Variants in CHD7 observed in about 807,000 individuals in gnomAD.
The protein encoded by CHD7 is ATP-dependent chromatin remodeler CHD7.
In CHD7, 24 loss-of-function variants were observed where a neutral mutation model predicts 307.3. The ratio of observed to expected loss-of-function variants is 0.08; its 90% confidence interval spans 0.06 to 0.11. CHD7 has a LOEUF of 0.11. CHD7 is among the 10% of genes least tolerant of loss of function. The pLI, the probability that CHD7 is intolerant of heterozygous loss-of-function variation, is 1.00. For missense variants in CHD7, 3,106 were observed against 3,727.1 expected (o/e 0.83, Z 4.34); for synonymous variants, 1,363 against 1,349.9 (o/e 1.01, Z -0.21).
At position 60,841,947 on chromosome 8, in the gene CHD7, A is replaced by G. The variant is rs1229055939; in HGVS notation, c.4745A>G (p.Asp1582Gly). 3.1e-6 allele frequency: 5 copies of G among 1,612,954 alleles called. No homozygotes were observed. The highest frequency in any genetic ancestry group is 4.2e-6 in the Non-Finnish European group (5 of 1,179,430). Residue 1582 changes from aspartate (D) to glycine (G), a missense_variant, in exon 21 of 38, where the codon GAT becomes GGT. Asp to Gly is a moderately conservative substitution (Grantham distance 94). Transcript: ENST00000423902. ...ATGGAGTTCTCAGACTTGGAAAGTGATTCTGAAGAAAAGCCCTGTGCAAAG... is the reference window on the plus strand; with the variant it reads ...ATGGAGTTCTCAGACTTGGAAAGTGGTTCTGAAGAAAAGCCCTGTGCAAAG... ...ELMEFSDLES[D>G]SEEKPCAKPR...
In CHD7 at chr8:60,742,858, A is replaced by G; in HGVS notation, c.1426A>G (p.Arg476Gly). The change falls in exon 2 of 38, where the codon AGG becomes GGG. Residue 476 changes from arginine to glycine, a missense_variant. Coordinates refer to ENST00000423902, the MANE Select transcript of CHD7 (RefSeq NM_017780.4). Reference sequence around the variant, plus strand: ...ACCAAGGGAATTGACTGGGCACATGAGGCCAAATGGTTGTCCTGGTGTTGG... The same window carrying G: ...ACCAAGGGAATTGACTGGGCACATGGGGCCAAATGGTTGTCCTGGTGTTGG... ...SAPRELTGHMRPNGCPGVGLG... is the reference protein window; with the variant it reads ...SAPRELTGHMGPNGCPGVGLG... 3 of 1,612,660 alleles carry G rather than the reference A, an allele frequency of 1.9e-6. No individual in the cohort carries two copies. The highest frequency in any genetic ancestry group is 2.5e-6 in the Non-Finnish European group (3 of 1,179,182).
intron 1 of CHD7, among the ~76,000 whole-genome samples, chr8:60,701,851 A>C (rs998281213): frequency 2.0e-5 from 3 of 151,950 alleles, no homozygotes; most frequent in Non-Finnish European, 4.4e-5. Flanking sequence ...GGCTTGTTTA[A>C]TTTTTCTGTA....
chr8:60,856,954 A>T, intron 34 of CHD7, 66 bp downstream of exon 34: 1 of 1,395,858 alleles, frequency 7.2e-7, no homozygotes, highest in Admixed American at 2.3e-5. Flanking sequence ...TGTGATGCTC[A>T]CGATGCTGGG....
rs527911016 is a variant in CHD7, at chr8:60,789,611, A to G, written c.2097-5375A>G. Among the ~76,000 whole-genome samples, 4 of 152,318 alleles carry G rather than the reference A, an allele frequency of 2.6e-5. No homozygotes were observed. The South Asian group carries it at 8.3e-4, about 32-fold the overall frequency. ...TTCTTTCTGTTCAGGACTTAGATCT[A>G]TTAGGCCGACACTAATCAATGTTTA... On this transcript the variant is annotated intron_variant, in intron 3 of 37. Transcript: ENST00000423902.
At chr8:60,774,537 C>T (rs992481448) in intron 2 of CHD7, among the ~76,000 whole-genome samples, 2 of 152,176 alleles carry the variant, frequency 1.3e-5, no homozygotes, top group Non-Finnish European at 2.9e-5. Context: ...GGCCCAGCAG[C>T]GTGGCTCTGT....
intron 1 of CHD7, among the ~76,000 whole-genome samples, chr8:60,732,442 A>G (rs999095380): frequency 1.3e-5 from 2 of 152,186 alleles, no homozygotes; most frequent in Non-Finnish European, 2.9e-5. Context: ...TGTCAGCCTT[A>G]TAGGAGCTGG....
intron 2 of CHD7, among the ~76,000 whole-genome samples, chr8:60,774,790 T>C (rs1810873879): frequency 6.6e-6 from 1 of 152,214 alleles, no homozygotes; most frequent in Non-Finnish European, 1.5e-5. Flanking sequence ...GAAAAGGGTT[T>C]AGCATTGGCA....
intron 2 of CHD7, among the ~76,000 whole-genome samples, chr8:60,768,955 A>G (rs1810591822): frequency 6.6e-6 from 1 of 152,244 alleles, no homozygotes; most frequent in African/African-American, 2.4e-5. Context: ...TTAAATGAGA[A>G]TATCAGAACA....
Position 60,856,908 on chromosome 8 carries a change from T to C in CHD7, c.7608+20T>C. On this transcript the variant is annotated intron_variant, in intron 34 of 37. Coordinates refer to ENST00000423902, the MANE Select transcript of CHD7 (RefSeq NM_017780.4). ...AGTGCAGTAAGTTGGGGAGCTTGCC[T>C]GCATGGCGATTGCACGTGTTGACAG... is the stretch of plus-strand genomic sequence containing the variant. The C allele has an allele frequency of 6.6e-7, 1 of 1,524,650 alleles. No individual in the cohort carries two copies. The highest frequency in any genetic ancestry group is 2.2e-5 in the Admixed American group (1 of 46,012). 94.4% of individuals were successfully genotyped at this position (1,524,650 alleles called of 1,614,324 possible).
Position 60,865,291 on chromosome 8 carries a change from C to A in CHD7, c.8352C>A (p.Thr2784=), listed in dbSNP as rs774358319. Residue 2784 remains threonine (T), a synonymous_variant, in exon 38 of 38, where the codon ACC becomes ACA. Coordinates refer to ENST00000423902, the MANE Select transcript of CHD7 (RefSeq NM_017780.4). This position sits in a 1 kb window ranked among gnomAD's most constrained non-coding sequence, Gnocchi z 4.3. The part of the protein sequence containing the change: ...GFPPGLATAA[T]AGGDAKNPAA... ...CTCCAGGACTGGCAACAGCTGCCAC[C>A]GCCGGAGGCGATGCGAAGAACCCTG... 1.2e-6 allele frequency: 2 copies of A among 1,609,338 alleles called. No homozygotes were observed. The highest frequency in any genetic ancestry group is 1.1e-5 in the South Asian group (1 of 90,192).
At chr8:60,756,757 C>A (rs1259787750) in intron 2 of CHD7, among the ~76,000 whole-genome samples, 1 of 152,136 alleles carries the variant, frequency 6.6e-6, no homozygotes, top group East Asian at 1.9e-4. Flanking sequence ...GGGTGCATTG[C>A]ATATCTTAGT....
rs942880580 is a variant in CHD7 at position 60,800,642 on chromosome 8, C to T, written c.2376+117C>T. The T allele has an allele frequency of 8.9e-6, 9 of 1,015,382 alleles. No homozygotes were observed. In the African/African-American group the frequency reaches 1.4e-4, roughly 16 times the overall value. The allele number at this position is 1,015,382 out of a possible 1,614,324, so 62.9% of individuals were successfully genotyped here. ...GGACTTTCAGCAGGGGAACATCCAC[C>T]TAATGTTGGATAATGTGCTATGGGA... On this transcript the variant is annotated intron_variant, in intron 5 of 37. Transcript: ENST00000423902.
At chr8:60,759,898 G>C (rs1586280710) in intron 2 of CHD7, among the ~76,000 whole-genome samples, 1 of 152,132 alleles carries the variant, frequency 6.6e-6, no homozygotes, top group Non-Finnish European at 1.5e-5. Context: ...CTATTCATCG[G>C]ATGTTTAGTG....
intron 8 of CHD7, among the ~76,000 whole-genome samples, chr8:60,818,147 G>A (rs148782152): frequency 1.3e-5 from 2 of 152,246 alleles, no homozygotes; most frequent in South Asian, 2.1e-4. Flanking sequence ...ACACGCCCCC[G>A]TTTGTTTCAT....
intron 27 of CHD7, 48 bp downstream of exon 27, chr8:60,851,152 A>G (rs771007589): frequency 1.7e-5 from 25 of 1,479,852 alleles, no homozygotes; most frequent in Non-Finnish European, 1.4e-5. Context: ...AAAATATTAT[A>G]TGCCCACATA....
intron 1 of CHD7, among the ~76,000 whole-genome samples, chr8:60,693,836 G>A (rs893058793): frequency 2.6e-5 from 4 of 152,376 alleles, no homozygotes; most frequent in Middle Eastern, 3.4e-3. Context: ...AGCAGCTGAA[G>A]GCCTTTTGGG....
intron 1 of CHD7, among the ~76,000 whole-genome samples, chr8:60,710,076 C>CAA (rs1760511495): frequency 7.0e-6 from 1 of 143,834 alleles, no homozygotes; most frequent in African/African-American, 2.5e-5. Context: ...CCCAATGTCA[C>CAA]TTTTTTTTTT....
intron 2 of CHD7, among the ~76,000 whole-genome samples, chr8:60,763,734 AGCATAAGACTCCCTG>A (rs1358276934): frequency 6.6e-6 from 1 of 152,140 alleles, no homozygotes; most frequent in Non-Finnish European, 1.5e-5. Flanking sequence ...CTTTAAGCCC[AGCATAAGACTCCCTG>A]GCCTATCCCT....
In CHD7 at chr8:60,830,509, A is replaced by T. The variant is rs775459114; in HGVS notation, c.3710A>T (p.Asn1237Ile). The T allele has an allele frequency of 6.2e-7, 1 of 1,614,002 alleles. No individual in the cohort carries two copies. The highest frequency in any genetic ancestry group is 1.1e-5 in the South Asian group (1 of 91,080). Residue 1237 changes from asparagine to isoleucine, a missense_variant, in exon 15 of 38, where the codon AAC becomes ATC. Asn to Ile is a moderately radical substitution (Grantham distance 149, BLOSUM62 -3). This residue lies in a region of CHD7 where 232 missense variants were observed against 422.5 expected (regional missense o/e 0.55). Coordinates refer to ENST00000423902, the MANE Select transcript of CHD7 (RefSeq NM_017780.4). ...TFLSKGGGQA[N>I]VPNLLNTMME... ...CTTTCCAAAGGCGGTGGTCAAGCTA[A>T]CGTACCTAACCTATTAAACACTATG...
Sources: allele counts gnomAD v4.1 joint callset (sites outside exome capture counted in the v4.1 genomes callset), GRCh38; gene constraint gnomAD v4.1.1; regional missense constraint gnomAD v4.1.1; non-coding constraint Gnocchi (gnomAD v3.1); transcripts MANE v1.5; gene names NCBI Gene and HGNC (gene_info 2026-07-23, HGNC 2026-07-21).